Variants in OSBPL3 observed in about 807,000 individuals in gnomAD.
OSBPL3 encodes oxysterol-binding protein-related protein 3.
A neutral mutation model predicts 120.1 loss-of-function variants in OSBPL3; 65 were observed. The ratio of observed to expected loss-of-function variants is 0.54; its 90% CI spans 0.44 to 0.67. The LOEUF is 0.67. Ranked by LOEUF, OSBPL3 falls within the 30% of genes least tolerant of loss-of-function variation. The pLI is 0.00. For missense variants in OSBPL3, 1,004 were observed against 1,082.1 expected, an observed-to-expected ratio of 0.93 and a Z score of 1.01; for synonymous variants, 416 against 402.6, an observed-to-expected ratio of 1.03 and a Z score of -0.40.
chr7:24,969,767 A>C (rs1399881682), intron 1 of OSBPL3, among the ~76,000 whole-genome samples: 1 of 151,874 alleles, frequency 6.6e-6, no homozygotes, highest in Admixed American at 6.6e-5. Flanking sequence ...TTCTCCTCTC[A>C]CTGTGACCAT....
chr7:24,838,902 T>C (rs956637341), intron 14 of OSBPL3, among the ~76,000 whole-genome samples: 1 of 148,148 alleles, frequency 6.8e-6, no homozygotes, highest in African/African-American at 2.4e-5. Flanking sequence ...CACTGGTTCT[T>C]AGACCTTTCC....
At position 24,808,154 on chromosome 7, in the gene OSBPL3, G is replaced by A. The variant is rs753934593; in HGVS notation, c.2318-1252C>T. ...GGCCTTAAACAATCTGCCTGCCTTGGCTTCCCAAAGTGCTGGGATTACAGG... is the reference window on the plus strand; with the variant it reads ...GGCCTTAAACAATCTGCCTGCCTTGACTTCCCAAAGTGCTGGGATTACAGG... On this transcript the variant is annotated intron_variant, in intron 20 of 22. Transcript: ENST00000313367. The surrounding 1 kb of genome is among the most constrained non-coding windows in gnomAD (Gnocchi z 4.6). 6.6e-6 allele frequency among the ~76,000 whole-genome samples: 1 copy of A among 152,158 alleles called. No individual in the cohort carries two copies. The highest frequency in any genetic ancestry group is 2.4e-5 in the African/African-American group (1 of 41,426).
chr7:24,969,074 A>G (rs1816714177), intron 1 of OSBPL3, among the ~76,000 whole-genome samples: 1 of 152,234 alleles, frequency 6.6e-6, no homozygotes, highest in Non-Finnish European at 1.5e-5. Context: ...AGATACTGCC[A>G]ATGGCTCGCT....
intron 1 of OSBPL3, among the ~76,000 whole-genome samples, chr7:24,910,915 C>T (rs1259815166): frequency 6.6e-6 from 1 of 152,186 alleles, no homozygotes; most frequent in African/African-American, 2.4e-5. Flanking sequence ...CCCTGGGAAG[C>T]TTCTACAAAA....
rs995673962 is a variant in OSBPL3 at position 24,851,744 on chromosome 7, A to T, written c.1158+760T>A. Among the ~76,000 whole-genome samples the T allele has an allele frequency of 6.6e-6, 1 of 152,116 alleles. No individual in the cohort carries two copies. Among genetic ancestry groups the T allele is most frequent in the Non-Finnish European group, 1.5e-5 (1 of 68,000 alleles). On this transcript the variant is annotated intron_variant, in intron 11 of 22. Transcript: ENST00000313367. This position sits in a 1 kb window ranked among gnomAD's most constrained non-coding sequence, Gnocchi z 4.1. Reference sequence around the variant, plus strand: ...TGATAGATTCAGGGTAAAAAAAAAAAAACGAGATAACTTTATTCAAATAGA... The same window carrying T: ...TGATAGATTCAGGGTAAAAAAAAAATAACGAGATAACTTTATTCAAATAGA...
At chr7:24,929,138 C>T (rs186299200) in intron 1 of OSBPL3, among the ~76,000 whole-genome samples, 3 of 152,320 alleles carry the variant, frequency 2.0e-5, no homozygotes, top group African/African-American at 7.2e-5. Flanking sequence ...CACATCCTAG[C>T]CAACATTTGC....
chr7:24,954,262 C>T (rs115518336), intron 1 of OSBPL3, among the ~76,000 whole-genome samples: 55 of 152,168 alleles, frequency 3.6e-4, no homozygotes, highest in African/African-American at 1.3e-3. Flanking sequence ...TATTTTTAGA[C>T]GTGAAGTTAT....
At position 24,835,228 on chromosome 7, in the gene OSBPL3, CATACT is replaced by C. The variant is rs1796855783; in HGVS notation, c.1496-497_1496-493del. The stretch of plus-strand genomic sequence containing the variant: ...TCGTGTTTTCTCCATTTGTGTTGTT[CATACT>C]GTATACGTATTTTATATTCTGCTTG... On this transcript the variant is annotated intron_variant, in intron 14 of 22. Coordinates refer to ENST00000313367, the MANE Select transcript of OSBPL3 (RefSeq NM_015550.4). The surrounding 1 kb of genome is among the most constrained non-coding windows in gnomAD (Gnocchi z 4.8). Among the ~76,000 whole-genome samples the C allele has an allele frequency of 1.3e-5, 2 of 151,996 alleles. No homozygotes were observed. The highest frequency in any genetic ancestry group is 6.6e-5 in the Admixed American group (1 of 15,250).
chr7:24,834,592 A>G lies in OSBPL3; in HGVS notation c.1640T>C (p.Val547Ala), dbSNP rs201954343. 6.2e-7 allele frequency: 1 copy of G among 1,614,174 alleles called. No individual in the cohort carries two copies. ...CGTGTTCAGGGGCTCGTTCAGCTCC[A>G]CCGGCATGGCCACCTTGGACAGGTC... ...GKDLSKVAMP[V>A]ELNEPLNTLQ... Residue 547 changes from valine (V) to alanine (A), a missense_variant, in exon 15 of 23, where the codon GTG (valine) becomes GCG (alanine). Transcript: ENST00000313367. The surrounding 1 kb of genome is among the most constrained non-coding windows in gnomAD (Gnocchi z 5.2).
At chr7:24,904,226 T>C (rs1807512393) in intron 1 of OSBPL3, among the ~76,000 whole-genome samples, 1 of 152,142 alleles carries the variant, frequency 6.6e-6, no homozygotes, top group South Asian at 2.1e-4. Context: ...ACTTACTCCC[T>C]CTTCCTAACA....
chr7:24,972,882 T>C lies in OSBPL3; in HGVS notation c.-150+7004A>G, dbSNP rs1262873728. On this transcript the variant is annotated intron_variant, in intron 1 of 22. Coordinates refer to ENST00000313367, the MANE Select transcript of OSBPL3 (RefSeq NM_015550.4). The surrounding 1 kb of genome is among the most constrained non-coding windows in gnomAD (Gnocchi z 4.3). ...TATAATTTTAAAGTTCTTGTAACTA[T>C]TACAATATTTGATATCAAGACAGGA... Among the ~76,000 whole-genome samples the C allele has an allele frequency of 6.6e-6, 1 of 152,206 alleles. No individual in the cohort carries two copies. The highest frequency in any genetic ancestry group is 1.5e-5 in the Non-Finnish European group (1 of 68,026).
chr7:24,902,923 T>A (rs1392438458), intron 1 of OSBPL3, among the ~76,000 whole-genome samples: 1 of 152,142 alleles, frequency 6.6e-6, no homozygotes, highest in Non-Finnish European at 1.5e-5. Flanking sequence ...CCCTCTATTG[T>A]CACTGTGCTC....
At position 24,932,966 on chromosome 7, in the gene OSBPL3, G is replaced by A. The variant is rs762947825; in HGVS notation, c.-149-40345C>T. Among the ~76,000 whole-genome samples, 5 of 152,224 alleles carry A rather than the reference G, an allele frequency of 3.3e-5. No homozygotes were observed. Among genetic ancestry groups the A allele is most frequent in the Non-Finnish European group, 5.9e-5 (4 of 68,052 alleles). On this transcript the variant is annotated intron_variant, in intron 1 of 22. Transcript: ENST00000313367. This position sits in a 1 kb window ranked among gnomAD's most constrained non-coding sequence, Gnocchi z 5.6. The stretch of plus-strand genomic sequence containing the variant: ...ATGCCATGTTACAAACCAGTGAACC[G>A]TCTTTCCTCCATATTCAAATTCCAC...
At chr7:24,857,752 A>C (rs567645282) in intron 10 of OSBPL3, among the ~76,000 whole-genome samples, 53 of 152,342 alleles carry the variant, frequency 3.5e-4, no homozygotes, top group South Asian at 2.1e-3. Context: ...GAAGATTCCC[A>C]AATAATATTG....
chr7:24,896,723 T>A lies in OSBPL3; in HGVS notation c.-149-4102A>T, dbSNP rs1584539694. On this transcript the variant is annotated intron_variant, in intron 1 of 22. Coordinates refer to ENST00000313367, the MANE Select transcript of OSBPL3 (RefSeq NM_015550.4). The surrounding 1 kb of genome is among the most constrained non-coding windows in gnomAD (Gnocchi z 4.4). ...ACCTTGACAAATGTATTAAGCTCTC[T>A]GATTTATATTTTTTCCTGTATAAAA... Among the ~76,000 whole-genome samples, 1 of 152,224 alleles carries A rather than the reference T, an allele frequency of 6.6e-6. No individual in the cohort carries two copies. The highest frequency in any genetic ancestry group is 2.4e-5 in the African/African-American group (1 of 41,460).
chr7:24,979,381 C>G (rs568687060), intron 1 of OSBPL3, among the ~76,000 whole-genome samples: 1 of 152,116 alleles, frequency 6.6e-6, no homozygotes, highest in African/African-American at 2.4e-5. Flanking sequence ...AGCCCAGCAC[C>G]GGGGAGCTGA....
Position 24,815,029 on chromosome 7 carries a change from G to C in OSBPL3, c.2172+30C>G, listed in dbSNP as rs1031574013. On this transcript the variant is annotated intron_variant, in intron 19 of 22. Transcript: ENST00000313367. The surrounding 1 kb of genome is among the most constrained non-coding windows in gnomAD (Gnocchi z 5.1). ...CCTGGCTCTGCCACAGCCCTTCCAGGGTCAGAGCTCAGAGAGTCACTGGAG... is the reference window on the plus strand; with the variant it reads ...CCTGGCTCTGCCACAGCCCTTCCAGCGTCAGAGCTCAGAGAGTCACTGGAG... 1.2e-6 allele frequency: 2 copies of C among 1,609,932 alleles called. No homozygotes were observed. Among genetic ancestry groups the C allele is most frequent in the Admixed American group, 3.3e-5 (2 of 60,000 alleles).
At position 24,936,372 on chromosome 7, in the gene OSBPL3, T is replaced by C. The variant is rs1376752702; in HGVS notation, c.-150+43514A>G. On this transcript the variant is annotated intron_variant, in intron 1 of 22. Coordinates refer to ENST00000313367, the MANE Select transcript of OSBPL3 (RefSeq NM_015550.4). The surrounding 1 kb of genome is among the most constrained non-coding windows in gnomAD (Gnocchi z 4.2). ...GACCACAGACTATGTACTAAAATTATGCAAAGGTTCTCCAAGACCTCAACA... is the reference window on the plus strand; with the variant it reads ...GACCACAGACTATGTACTAAAATTACGCAAAGGTTCTCCAAGACCTCAACA... Among the ~76,000 whole-genome samples, 4 of 152,208 alleles carry C rather than the reference T, an allele frequency of 2.6e-5. No homozygotes were observed. Among genetic ancestry groups the C allele is most frequent in the African/African-American group, 4.8e-5 (2 of 41,446 alleles).
chr7:24,893,575 G>A (rs1242011790), intron 1 of OSBPL3, among the ~76,000 whole-genome samples: 5 of 152,148 alleles, frequency 3.3e-5, no homozygotes, highest in Admixed American at 6.5e-5. Context: ...GCTTTGGGAG[G>A]CCGAAGTGGG....
Sources: gnomAD v4.1 joint callset for allele counts (sites outside exome capture counted in the v4.1 genomes callset) on GRCh38, gnomAD v4.1.1 for gene constraint, Gnocchi (gnomAD v3.1) non-coding constraint, MANE v1.5 for transcripts, NCBI Gene and HGNC (gene_info 2026-07-23, HGNC 2026-07-21) for gene names.